FBN1: variants seen among roughly 807,000 people sequenced by gnomAD.
FBN1 encodes the protein fibrillin 1, also known as fibrillin-1.
Under a neutral mutation model 365.1 loss-of-function variants are expected in FBN1, and 29 were observed. That is an observed-to-expected ratio of 0.08 (90% CI 0.06 to 0.11). The LOEUF is 0.11. FBN1 is among the 10% of genes least tolerant of loss of function. The pLI is 1.00. For missense variants in FBN1, 2,476 were observed against 3,703.2 expected (o/e 0.67, Z 8.60); for synonymous variants, 1,210 against 1,270.5 (o/e 0.95, Z 1.01).
At chr15:48,434,561 C>A (rs368325317) in intron 54 of FBN1, 33 bp downstream of exon 54, 2 of 1,612,464 alleles carry the variant, frequency 1.2e-6, no homozygotes, top group African/African-American at 2.7e-5. Context: ...GATCAGTACA[C>A]GTAATCAACT....
intron 64 of FBN1, among the ~76,000 whole-genome samples, chr15:48,412,972 T>G (rs997071714): frequency 6.6e-6 from 1 of 152,260 alleles, no homozygotes; most frequent in Non-Finnish European, 1.5e-5. Flanking sequence ...GACCCTGTCT[T>G]GGATATTTAT....
At chr15:48,467,775 G>C (rs901255186) in intron 38 of FBN1, among the ~76,000 whole-genome samples, 163 bp downstream of exon 38, 9 of 151,510 alleles carry the variant, frequency 5.9e-5, no homozygotes, top group Non-Finnish European at 1.2e-4. Flanking sequence ...GAGCCAACCA[G>C]GAATATTTTC....
intron 15 of FBN1, among the ~76,000 whole-genome samples, chr15:48,505,438 G>A (rs1183691113): frequency 1.3e-5 from 2 of 152,110 alleles, no homozygotes; most frequent in Non-Finnish European, 1.5e-5. Context: ...AGAGGAAGGA[G>A]AACAATGGCT....
chr15:48,450,813 A>T (rs2043195565), intron 45 of FBN1, among the ~76,000 whole-genome samples: 1 of 152,202 alleles, frequency 6.6e-6, no homozygotes, highest in Admixed American at 6.5e-5. Flanking sequence ...AGAAAGTTTT[A>T]GTTATTTTCA....
intron 64 of FBN1, among the ~76,000 whole-genome samples, chr15:48,415,184 T>A: frequency 6.6e-6 from 1 of 152,280 alleles, no homozygotes; most frequent in South Asian, 2.1e-4. Context: ...GAAGAGTGGA[T>A]CAGTCGTGTG....
chr15:48,593,523 T>A (rs1478591991), intron 6 of FBN1, among the ~76,000 whole-genome samples: 1 of 152,188 alleles, frequency 6.6e-6, no homozygotes, highest in Non-Finnish European at 1.5e-5. Context: ...GATATCAACA[T>A]TGTAATCAGC....
At chr15:48,423,685 AC>A (rs537234396) in intron 60 of FBN1, among the ~76,000 whole-genome samples, 2 of 151,960 alleles carry the variant, frequency 1.3e-5, no homozygotes, top group African/African-American at 2.4e-5. Flanking sequence ...TCTGCATTCT[AC>A]CCATCTCTCA....
chr15:48,564,793 G>A (rs2044247841), intron 6 of FBN1, among the ~76,000 whole-genome samples: 2 of 152,160 alleles, frequency 1.3e-5, no homozygotes, highest in Admixed American at 6.5e-5. Flanking sequence ...AGGATGCCAC[G>A]TGGAAGAATA....
chr15:48,496,554 T>C (rs1566912037), intron 19 of FBN1, among the ~76,000 whole-genome samples: 1 of 152,140 alleles, frequency 6.6e-6, no homozygotes, highest in Non-Finnish European at 1.5e-5. Flanking sequence ...ATTAAATTTA[T>C]ATAATTTAAT....
chr15:48,613,223 A>C, intron 2 of FBN1, 131 bp from the exon 3 acceptor site: 1 of 707,760 alleles, frequency 1.4e-6, no homozygotes. Flanking sequence ...AAGCAAACTC[A>C]TGAGACTCAA....
At chr15:48,444,100 C>T (rs981302812) in intron 49 of FBN1, among the ~76,000 whole-genome samples, 3 of 152,292 alleles carry the variant, frequency 2.0e-5, no homozygotes, top group Admixed American at 2.0e-4. Flanking sequence ...TGAAATAAGA[C>T]ATTTCCACTG....
chr15:48,506,533 G>A (rs2043709164), intron 15 of FBN1, among the ~76,000 whole-genome samples: 1 of 152,236 alleles, frequency 6.6e-6, no homozygotes, highest in Non-Finnish European at 1.5e-5. Flanking sequence ...ACTACAACCT[G>A]AAAGGTAACA....
intron 7 of FBN1, among the ~76,000 whole-genome samples, chr15:48,536,138 CA>C (rs1310854459): frequency 2.6e-5 from 4 of 152,192 alleles, no homozygotes; most frequent in Admixed American, 6.5e-5. Context: ...ACAACAACAA[CA>C]ACAACCAAAC....
chr15:48,562,285 G>A (rs1327422685), intron 6 of FBN1, among the ~76,000 whole-genome samples: 3 of 152,158 alleles, frequency 2.0e-5, no homozygotes, highest in Non-Finnish European at 4.4e-5. Context: ...CAGACCGTAG[G>A]CCACAAAGAG....
At chr15:48,468,243 C>G (rs1014931426) in intron 37 of FBN1, 141 bp from the exon 38 acceptor site, 2 of 1,340,196 alleles carry the variant, frequency 1.5e-6, no homozygotes, top group Non-Finnish European at 2.1e-6. Context: ...ACATTATACA[C>G]TACCGAGAAT....
intron 6 of FBN1, among the ~76,000 whole-genome samples, chr15:48,538,305 C>T (rs1399714029): frequency 6.6e-6 from 1 of 152,320 alleles, no homozygotes; most frequent in Non-Finnish European, 1.5e-5. Context: ...GTCATGGCAC[C>T]TTCTTCCTGG....
chr15:48,493,740 T>C (rs954789447), intron 23 of FBN1, among the ~76,000 whole-genome samples: 3 of 152,212 alleles, frequency 2.0e-5, no homozygotes, highest in African/African-American at 7.2e-5. Flanking sequence ...CCTATGTCTA[T>C]CTGAAACTCC....
Position 48,610,027 on chromosome 15 carries a change from G to A in FBN1, c.346+701C>T, listed in dbSNP as rs936689195. 2.6e-5 allele frequency among the ~76,000 whole-genome samples: 4 copies of A among 152,144 alleles called. No individual in the cohort carries two copies. In the East Asian group the frequency reaches 7.7e-4, roughly 29 times the overall value. ...TACAGGACAAAAAGAAACGGAAAAG[G>A]GACCTACGTTTTTTGCCATGGGGAC... On this transcript the variant is annotated intron_variant, in intron 4 of 65. Coordinates refer to ENST00000316623, the MANE Select transcript of FBN1 (RefSeq NM_000138.5).
chr15:48,563,507 C>T (rs1718902856), intron 6 of FBN1, among the ~76,000 whole-genome samples: 1 of 152,188 alleles, frequency 6.6e-6, no homozygotes, highest in African/African-American at 2.4e-5. Context: ...AGGTGAACCA[C>T]TGCAAAGCTA....
Sources: gnomAD v4.1 joint callset for allele counts (sites outside exome capture counted in the v4.1 genomes callset) on GRCh38, gnomAD v4.1.1 for gene constraint, MANE v1.5 for transcripts, NCBI Gene and HGNC (gene_info 2026-07-23, HGNC 2026-07-21) for gene names.